Variants in PIK3C2G observed in about 807,000 individuals in gnomAD.
PIK3C2G encodes the protein phosphatidylinositol 3-kinase C2 domain-containing subunit gamma.
In PIK3C2G, 168 loss-of-function variants were observed where a neutral mutation model predicts 181.1. The observed-to-expected ratio is 0.93, with a 90% confidence interval of 0.82 to 1.05. The LOEUF is 1.05. Ranked by LOEUF, PIK3C2G falls within the 50% of genes least tolerant of loss-of-function variation. PIK3C2G has a pLI of 0.00. For missense variants in PIK3C2G, 1,869 were observed against 1,732.8 expected (o/e 1.08, Z -1.40); for synonymous variants, 573 against 592.2 (o/e 0.97, Z 0.47).
intron 8 of PIK3C2G, among the ~76,000 whole-genome samples, chr12:18,327,857 T>C (rs1008842191): frequency 6.6e-6 from 1 of 152,008 alleles, no homozygotes; most frequent in Non-Finnish European, 1.5e-5. Flanking sequence ...TACTCTGAAG[T>C]TGTCGATGAT....
upstream of PIK3C2G, among the ~76,000 whole-genome samples, chr12:18,257,035 C>T (rs1315297702): frequency 1.3e-5 from 2 of 152,068 alleles, no homozygotes; most frequent in Admixed American, 1.3e-4. Context: ...ACAGCTTTTG[C>T]CATGCCTGAC....
At chr12:18,331,338 G>C (rs1565605975) in intron 8 of PIK3C2G, among the ~76,000 whole-genome samples, 1 of 152,114 alleles carries the variant, frequency 6.6e-6, no homozygotes, top group Non-Finnish European at 1.5e-5. Context: ...CACCTACACA[G>C]GTTTCTTAAA....
intron 30 of PIK3C2G, among the ~76,000 whole-genome samples, chr12:18,599,892 TAGGCGC>T (rs1421552717): frequency 6.6e-6 from 1 of 151,852 alleles, no homozygotes; most frequent in Non-Finnish European, 1.5e-5. Context: ...TCAATAAAGA[TAGGCGC>T]AGTTATGACT....
the PIK3C2G span, among the ~76,000 whole-genome samples, chr12:18,696,961 CTATT>C: frequency 6.6e-6 from 1 of 152,116 alleles, no homozygotes; most frequent in Non-Finnish European, 1.5e-5. Context: ...CACACACAGT[CTATT>C]TTAGTTTCTG....
At chr12:18,499,710 T>G (rs1247721184) in intron 22 of PIK3C2G, among the ~76,000 whole-genome samples, 2 of 152,206 alleles carry the variant, frequency 1.3e-5, no homozygotes, top group Non-Finnish European at 2.9e-5. Context: ...CAAAGGTTGA[T>G]TGCAAAACGC....
intron 1 of PIK3C2G, among the ~76,000 whole-genome samples, chr12:18,267,900 T>A (rs1948574628): frequency 6.6e-6 from 1 of 152,218 alleles, no homozygotes; most frequent in Non-Finnish European, 1.5e-5. Flanking sequence ...ACAGTCACCA[T>A]AGATGCGACA....
In PIK3C2G at chr12:18,388,049, A is replaced by C. The variant is rs2138023259; in HGVS notation, c.1996-3073A>C. On this transcript the variant is annotated intron_variant, in intron 14 of 32. Transcript: ENST00000538779. ...ATTATCGTCAGCGTTAGGAAGAAGCACCAGTCTTATCATTGATACAAAGTT... is the reference window on the plus strand; with the variant it reads ...ATTATCGTCAGCGTTAGGAAGAAGCCCCAGTCTTATCATTGATACAAAGTT... Among the ~76,000 whole-genome samples, 3 of 152,320 alleles carry C rather than the reference A, an allele frequency of 2.0e-5. No homozygotes were observed. In the East Asian group the frequency reaches 5.8e-4, roughly 29 times the overall value.
intron 18 of PIK3C2G, among the ~76,000 whole-genome samples, chr12:18,429,411 G>T (rs915111879): frequency 2.6e-5 from 4 of 152,208 alleles, no homozygotes; most frequent in African/African-American, 9.6e-5. Flanking sequence ...TAATATAACA[G>T]ACTTTATGAA....
the PIK3C2G span, chr12:18,684,188 T>A: frequency 6.2e-7 from 1 of 1,612,338 alleles, no homozygotes; most frequent in Non-Finnish European, 8.5e-7. Flanking sequence ...TTCCTGCTAT[T>A]AAACCTTGAC....
chr12:18,449,212 T>C (rs1356977912), intron 18 of PIK3C2G, among the ~76,000 whole-genome samples: 1 of 152,166 alleles, frequency 6.6e-6, no homozygotes, highest in East Asian at 1.9e-4. Flanking sequence ...ATGTCTCTGC[T>C]TTCATGCCAG....
At position 18,641,743 on chromosome 12, in the gene PIK3C2G, C is replaced by CTTTTTTTTTTTTTTTTTTTTTTTTT. The variant is rs11285609; in HGVS notation, c.4308+1209_4308+1210insTTTTTTTTTTTTTTTTTTTTTTTTT. Among the ~76,000 whole-genome samples the CTTTTTTTTTTTTTTTTTTTTTTTTT allele has an allele frequency of 6.4e-5, 6 of 93,164 alleles. 1 individual carries two copies. The highest frequency in any genetic ancestry group is 1.4e-4 in the Admixed American group (1 of 7,258). 61.1% of individuals were successfully genotyped at this position (93,164 alleles called of 152,430 possible). A position where few individuals can be genotyped will look rare whatever the true frequency, so the allele number is the denominator to read the frequency against. Reference sequence around the variant, plus strand: ...AAAACCCTGGCTTCTCTCTCTCAAGCTTTTTTTTTTTTTTTTTTTTGAGAT... The same window carrying CTTTTTTTTTTTTTTTTTTTTTTTTT: ...AAAACCCTGGCTTCTCTCTCTCAAGCTTTTTTTTTTTTTTTTTTTTTTTTTTTTTTTTTTTTTTTTTTTTTGAGAT... On this transcript the variant is annotated intron_variant, in intron 32 of 32. Transcript: ENST00000538779.
chr12:18,412,378 T>A (rs561468887), intron 16 of PIK3C2G, among the ~76,000 whole-genome samples: 1 of 152,248 alleles, frequency 6.6e-6, no homozygotes, highest in Middle Eastern at 3.4e-3. Context: ...AATTCTAAGA[T>A]GCTATTTGCC....
At chr12:18,324,021 C>T (rs1951221793) in intron 7 of PIK3C2G, among the ~76,000 whole-genome samples, 1 of 151,924 alleles carries the variant, frequency 6.6e-6, no homozygotes, top group Admixed American at 6.6e-5. Context: ...GAGATCGAGA[C>T]CATCCTGGCT....
intron 12 of PIK3C2G, among the ~76,000 whole-genome samples, chr12:18,364,518 A>C (rs1265758980): frequency 6.6e-6 from 1 of 152,144 alleles, no homozygotes; most frequent in East Asian, 1.9e-4. Flanking sequence ...TTTAGTCGAC[A>C]GCAGGTAAAG....
intron 18 of PIK3C2G, among the ~76,000 whole-genome samples, chr12:18,464,253 A>G (rs1447013526): frequency 6.6e-6 from 1 of 152,042 alleles, no homozygotes; most frequent in East Asian, 1.9e-4. Flanking sequence ...GGTACCTTGT[A>G]TGTGTCCTCA....
chr12:18,692,642 T>C, the PIK3C2G span: 12 of 610,356 alleles, frequency 2.0e-5, no homozygotes, highest in African/African-American at 3.7e-5. Flanking sequence ...GCAGGAGGAC[T>C]AATTATGCAG....
At chr12:18,608,251 T>C (rs1948154501) in intron 30 of PIK3C2G, among the ~76,000 whole-genome samples, 1 of 152,080 alleles carries the variant, frequency 6.6e-6, no homozygotes, top group African/African-American at 2.4e-5. Context: ...TAAAGACACA[T>C]GCACACGTAT....
intron 13 of PIK3C2G, 88 bp downstream of exon 13, chr12:18,371,399 G>A (rs1029857102): frequency 3.5e-5 from 37 of 1,058,860 alleles, no homozygotes; most frequent in African/African-American, 1.6e-5. Context: ...GCATAATGAG[G>A]AAATCAAGAC....
At chr12:18,520,246 G>A (rs988098167) in intron 24 of PIK3C2G, among the ~76,000 whole-genome samples, 1 of 151,962 alleles carries the variant, frequency 6.6e-6, no homozygotes, top group African/African-American at 2.4e-5. Context: ...TGAATTTCCT[G>A]AATTTGAATA....
Sources: gnomAD v4.1 joint callset for allele counts (sites outside exome capture counted in the v4.1 genomes callset) on GRCh38, gnomAD v4.1.1 for gene constraint, MANE v1.5 for transcripts, NCBI Gene and HGNC (gene_info 2026-07-23, HGNC 2026-07-21) for gene names.